Variants in MSRA observed in about 807,000 individuals in gnomAD.
MSRA encodes the protein mitochondrial peptide methionine sulfoxide reductase.
MSRA carries 54 observed loss-of-function variants against 31.3 expected under a neutral mutation model. The observed-to-expected ratio is 1.73, with a 90% CI of 1.39 to 2.17. The LOEUF (loss-of-function observed/expected upper bound fraction) is 2.17. MSRA is among the 30% of genes most tolerant of loss of function. The pLI is 0.00. For synonymous variants in MSRA, 169 were observed against 116.5 expected (o/e 1.45, Z -2.90); for missense variants, 507 against 300.9 (o/e 1.69, Z -5.07).
chr8:10,417,728 TTGTC>T (rs1402314392), intron 5 of MSRA, among the ~76,000 whole-genome samples: 1 of 104,292 alleles, frequency 9.6e-6, no homozygotes, highest in Non-Finnish European at 2.1e-5. Context: ...GACTGGGGCA[TTGTC>T]TGGGCTTATT....
intron 1 of MSRA, among the ~76,000 whole-genome samples, chr8:10,185,167 C>G (rs1054782000): frequency 1.3e-5 from 2 of 152,076 alleles, no homozygotes; most frequent in Non-Finnish European, 2.9e-5. Flanking sequence ...GTGCCCTTAG[C>G]GAATGCGAAT....
chr8:10,156,211 G>A (rs978966933), intron 1 of MSRA, among the ~76,000 whole-genome samples: 1 of 152,172 alleles, frequency 6.6e-6, no homozygotes, highest in African/African-American at 2.4e-5. Context: ...ATTCCATATC[G>A]AAACAAACAA....
At chr8:10,310,978 C>A (rs1801403293) in intron 4 of MSRA, among the ~76,000 whole-genome samples, 1 of 152,202 alleles carries the variant, frequency 6.6e-6, no homozygotes, top group Non-Finnish European at 1.5e-5. Context: ...AAGAGTTTCA[C>A]ATATCTTAGA....
chr8:10,323,076 T>G, intron 5 of MSRA, among the ~76,000 whole-genome samples: 1 of 114,636 alleles, frequency 8.7e-6, no homozygotes, highest in African/African-American at 3.5e-5. Context: ...GGCAACAGAG[T>G]GAGACTCCAT....
chr8:10,253,449 A>G (rs958606804), intron 3 of MSRA, among the ~76,000 whole-genome samples: 1 of 152,226 alleles, frequency 6.6e-6, no homozygotes. Context: ...AAGTAGTTAA[A>G]TGTGTCAATA....
chr8:10,159,483 C>A (rs184986904), intron 1 of MSRA, among the ~76,000 whole-genome samples: 1 of 152,190 alleles, frequency 6.6e-6, no homozygotes, highest in South Asian at 2.1e-4. Flanking sequence ...TTACCTCTTA[C>A]TTCTGGAGCT....
At chr8:10,368,152 G>A (rs1181725163) in intron 5 of MSRA, among the ~76,000 whole-genome samples, 1 of 152,210 alleles carries the variant, frequency 6.6e-6, no homozygotes, top group African/African-American at 2.4e-5. Flanking sequence ...GATCCAGATC[G>A]TGGGACAAGT....
At chr8:10,202,989 G>T (rs978418616) in intron 1 of MSRA, among the ~76,000 whole-genome samples, 15 of 151,908 alleles carry the variant, frequency 9.9e-5, no homozygotes, top group African/African-American at 3.6e-4. Flanking sequence ...GTTCTGTCCT[G>T]TCTCCTGCTT....
intron 1 of MSRA, among the ~76,000 whole-genome samples, chr8:10,131,365 T>C (rs942148439): frequency 6.6e-6 from 1 of 152,146 alleles, no homozygotes; most frequent in African/African-American, 2.4e-5. Context: ...GTGGAAATGG[T>C]ATTTAACTAT....
intron 1 of MSRA, among the ~76,000 whole-genome samples, chr8:10,122,352 G>A (rs1423139912): frequency 6.6e-6 from 1 of 152,204 alleles, no homozygotes; most frequent in Non-Finnish European, 1.5e-5. Context: ...GCAGAAAGGA[G>A]CTGAGTGTGG....
At chr8:10,222,978 A>G (rs1225773735) in intron 2 of MSRA, among the ~76,000 whole-genome samples, 2 of 152,202 alleles carry the variant, frequency 1.3e-5, no homozygotes, top group Admixed American at 6.5e-5. Flanking sequence ...ACCACATAAC[A>G]GTGTTAAGTG....
chr8:10,258,842 C>T (rs1383273104), intron 3 of MSRA, among the ~76,000 whole-genome samples: 1 of 152,228 alleles, frequency 6.6e-6, no homozygotes, highest in Non-Finnish European at 1.5e-5. Context: ...TGCGGAGGCT[C>T]ATGCCTGTAA....
At chr8:10,183,570 A>G (rs1234691553) in intron 1 of MSRA, among the ~76,000 whole-genome samples, 2 of 152,188 alleles carry the variant, frequency 1.3e-5, no homozygotes, top group African/African-American at 4.8e-5. Flanking sequence ...AAAATATAGA[A>G]GTTCAGATTG....
At chr8:10,300,380 C>T (rs567389588) in intron 3 of MSRA, among the ~76,000 whole-genome samples, 5 of 152,086 alleles carry the variant, frequency 3.3e-5, no homozygotes, top group Admixed American at 6.5e-5. Flanking sequence ...CTCAGCGTCC[C>T]GAGTAGCTGG....
chr8:10,293,567 C>G (rs1317200236), intron 3 of MSRA, among the ~76,000 whole-genome samples: 1 of 152,198 alleles, frequency 6.6e-6, no homozygotes, highest in Admixed American at 6.5e-5. Flanking sequence ...TGGACGAGCA[C>G]TGTGTTTTGG....
intron 5 of MSRA, among the ~76,000 whole-genome samples, chr8:10,392,675 C>A (rs1489552838): frequency 1.0e-5 from 1 of 99,970 alleles, no homozygotes; most frequent in Non-Finnish European, 2.6e-5. Flanking sequence ...CTTGGCCTCT[C>A]GGCCCTTTTT....
chr8:10,310,540 C>G (rs1801378443), intron 4 of MSRA, among the ~76,000 whole-genome samples: 1 of 152,226 alleles, frequency 6.6e-6, no homozygotes, highest in Admixed American at 6.5e-5. Context: ...GGTGTCTGCA[C>G]TCTGAGTGAC....
At chr8:10,248,116 T>G (rs751609855) in intron 3 of MSRA, among the ~76,000 whole-genome samples, 32 of 152,174 alleles carry the variant, frequency 2.1e-4, no homozygotes, top group Non-Finnish European at 4.6e-4. Context: ...ACCCCAAGGC[T>G]CTGGTAAGAT....
At chr8:10,425,315 C>T (rs1488169244) in intron 5 of MSRA, among the ~76,000 whole-genome samples, 2 of 152,198 alleles carry the variant, frequency 1.3e-5, no homozygotes, top group African/African-American at 2.4e-5. Flanking sequence ...CCCTGCTCGC[C>T]TTGGAGGTTT....
Sources: allele counts gnomAD v4.1 joint callset (sites outside exome capture counted in the v4.1 genomes callset), GRCh38; gene constraint gnomAD v4.1.1; transcripts MANE v1.5; gene names NCBI Gene and HGNC (gene_info 2026-07-23, HGNC 2026-07-21).